Variants in PEX14 observed in about 807,000 individuals in gnomAD.
The protein encoded by PEX14 is peroxisomal biogenesis factor 14, also known as peroxisomal membrane protein PEX14.
In PEX14, 15 loss-of-function variants were observed where a neutral mutation model predicts 49.5. That is an observed-to-expected ratio of 0.30 (90% CI 0.20 to 0.47). The LOEUF is 0.47. Ranked by LOEUF, PEX14 falls within the 20% of genes least tolerant of loss-of-function variation. PEX14 has a pLI of 1.00. For synonymous variants in PEX14, 210 were observed against 212.7 expected (o/e 0.99, Z 0.11); for missense variants, 398 against 494.8 (o/e 0.80, Z 1.86).
intron 3 of PEX14, among the ~76,000 whole-genome samples, chr1:10,596,654 G>A (rs1307118180): frequency 1.3e-5 from 2 of 152,150 alleles, no homozygotes; most frequent in East Asian, 3.8e-4. Flanking sequence ...AGGATGTGGG[G>A]CATCGTTTCT....
chr1:10,623,240 A>C lies in PEX14; in HGVS notation c.487+119A>C, dbSNP rs1374782940. On this transcript the variant is annotated intron_variant, in intron 6 of 8. Coordinates refer to ENST00000356607, the MANE Select transcript of PEX14 (RefSeq NM_004565.3). This position sits in a 1 kb window ranked among gnomAD's most constrained non-coding sequence, Gnocchi z 4.4. ...GTGGTGACTTCATTTATCTGCTCTG[A>C]GAATCTGTTCACATTTGCAAATGAA... 6.9e-6 allele frequency: 5 copies of C among 726,976 alleles called. No individual in the cohort carries two copies. The highest frequency in any genetic ancestry group is 2.0e-5 in the Admixed American group (1 of 49,476). 45.0% of individuals were successfully genotyped at this position (726,976 alleles called of 1,614,324 possible). A position where few individuals can be genotyped will look rare whatever the true frequency, so the allele number is the denominator to read the frequency against.
chr1:10,552,071 C>T (rs551123834), intron 3 of PEX14, among the ~76,000 whole-genome samples: 18 of 151,908 alleles, frequency 1.2e-4, no homozygotes, highest in East Asian at 3.9e-4. Flanking sequence ...CCAGCCTGGG[C>T]GACAGAACAA....
chr1:10,476,795 TC>T (rs1641203708), intron 1 of PEX14, among the ~76,000 whole-genome samples: 1 of 152,098 alleles, frequency 6.6e-6, no homozygotes, highest in African/African-American at 2.4e-5. Context: ...CCGGCTCTGT[TC>T]CTGATTCTTA....
chr1:10,568,914 A>G (rs1437652869), intron 3 of PEX14, among the ~76,000 whole-genome samples: 2 of 151,774 alleles, frequency 1.3e-5, no homozygotes, highest in Non-Finnish European at 2.9e-5. Context: ...TAATTTTTGT[A>G]TTTTTTGTAG....
intron 1 of PEX14, among the ~76,000 whole-genome samples, chr1:10,491,563 C>T (rs528156286): frequency 6.7e-6 from 1 of 149,988 alleles, no homozygotes; most frequent in Admixed American, 6.6e-5. Flanking sequence ...GATGGGGTCT[C>T]GCTGTGTTGC....
chr1:10,487,030 G>A (rs1641381628), intron 1 of PEX14, among the ~76,000 whole-genome samples: 1 of 151,900 alleles, frequency 6.6e-6, no homozygotes, highest in Non-Finnish European at 1.5e-5. Context: ...TTTGAATGTT[G>A]TCAGGTGCTC....
intron 4 of PEX14, among the ~76,000 whole-genome samples, chr1:10,614,485 C>T (rs977320124): frequency 8.5e-5 from 13 of 152,078 alleles, no homozygotes; most frequent in African/African-American, 3.1e-4. Flanking sequence ...AGTGAGGCAG[C>T]TATTGGGAGG....
At chr1:10,572,505 A>G (rs1018215438) in intron 3 of PEX14, among the ~76,000 whole-genome samples, 1 of 152,198 alleles carries the variant, frequency 6.6e-6, no homozygotes, top group Non-Finnish European at 1.5e-5. Context: ...TTCATAATAC[A>G]GTCATGTGTC....
intron 3 of PEX14, among the ~76,000 whole-genome samples, chr1:10,559,188 T>A (rs1639578366): frequency 6.6e-6 from 1 of 152,130 alleles, no homozygotes; most frequent in Admixed American, 6.5e-5. Flanking sequence ...TAAATATGAG[T>A]GCACAAGGAG....
At chr1:10,626,564 C>T (rs1351329998) in intron 7 of PEX14, among the ~76,000 whole-genome samples, 1 of 152,274 alleles carries the variant, frequency 6.6e-6, no homozygotes, top group Non-Finnish European at 1.5e-5. Flanking sequence ...GCCCACAGCA[C>T]ACTGGTAGGG....
intron 3 of PEX14, among the ~76,000 whole-genome samples, chr1:10,556,226 C>G (rs1210980960): frequency 2.6e-5 from 4 of 152,116 alleles, no homozygotes; most frequent in Non-Finnish European, 4.4e-5. Context: ...TTTCTGGACT[C>G]CTGGCTGGAG....
intron 3 of PEX14, among the ~76,000 whole-genome samples, chr1:10,583,291 C>T (rs1034826013): frequency 4.0e-5 from 6 of 150,934 alleles, no homozygotes; most frequent in Non-Finnish European, 1.5e-5. Context: ...GCAGTCATGG[C>T]TCACTGCAGC....
chr1:10,551,161 T>A (rs1639322702), intron 3 of PEX14, among the ~76,000 whole-genome samples: 1 of 152,164 alleles, frequency 6.6e-6, no homozygotes, highest in Non-Finnish European at 1.5e-5. Context: ...AATACATGGG[T>A]TATATTAAAA....
At chr1:10,523,041 C>T (rs1440795490) in intron 2 of PEX14, among the ~76,000 whole-genome samples, 2 of 152,106 alleles carry the variant, frequency 1.3e-5, no homozygotes, top group Admixed American at 6.5e-5. Context: ...ATGACTCCAC[C>T]GATTCTAAAT....
At position 10,630,726 on chromosome 1, in the gene PEX14, T is replaced by C. The variant is rs1460559783; in HGVS notation, c.*739T>C. The C allele has an allele frequency of 6.6e-6, 1 of 152,104 alleles. No individual in the cohort carries two copies. The highest frequency in any genetic ancestry group is 2.4e-5 in the African/African-American group (1 of 41,404). 9.4% of individuals were successfully genotyped at this position (152,104 alleles called of 1,614,324 possible). On this transcript the variant is annotated 3_prime_UTR_variant, in exon 9 of 9. Transcript: ENST00000356607. The surrounding 1 kb of genome is among the most constrained non-coding windows in gnomAD (Gnocchi z 4.1). Reference sequence around the variant, plus strand: ...TCAGAACGGAAGATAGGACTGTATATAATTGTAATAAATACCAGTTGCCAC... The same window carrying C: ...TCAGAACGGAAGATAGGACTGTATACAATTGTAATAAATACCAGTTGCCAC...
chr1:10,600,543 C>T (rs914271652), intron 4 of PEX14, among the ~76,000 whole-genome samples: 1 of 151,758 alleles, frequency 6.6e-6, no homozygotes, highest in Non-Finnish European at 1.5e-5. Flanking sequence ...GTGGTGAAAC[C>T]GTGTCTCTAC....
intron 3 of PEX14, among the ~76,000 whole-genome samples, chr1:10,570,858 T>TTTTTTC (rs1331214891): frequency 4.1e-5 from 6 of 146,192 alleles, no homozygotes; most frequent in Non-Finnish European, 9.1e-5. Flanking sequence ...GTTTTTTTTT[T>TTTTTTC]TTTTTTTGAG....
intron 2 of PEX14, among the ~76,000 whole-genome samples, chr1:10,501,839 G>C (rs1339662058): frequency 2.0e-5 from 3 of 152,226 alleles, no homozygotes; most frequent in Non-Finnish European, 4.4e-5. Context: ...TAAGCCTAGT[G>C]GGTTGAGGCT....
chr1:10,496,145 A>T (rs546067580), intron 2 of PEX14, among the ~76,000 whole-genome samples: 7 of 152,124 alleles, frequency 4.6e-5, no homozygotes, highest in Non-Finnish European at 8.8e-5. Context: ...TGAGGGACTT[A>T]GCGGGTATGA....
Sources: gnomAD v4.1 joint callset for allele counts (sites outside exome capture counted in the v4.1 genomes callset) on GRCh38, gnomAD v4.1.1 for gene constraint, Gnocchi (gnomAD v3.1) non-coding constraint, MANE v1.5 for transcripts, NCBI Gene and HGNC (gene_info 2026-07-23, HGNC 2026-07-21) for gene names.